The following ADAMTS6 variants were observed in gnomAD, a reference collection of about 807,000 sequenced individuals.
ADAMTS6 encodes A disintegrin and metalloproteinase with thrombospondin motifs 6.
In ADAMTS6, 23 loss-of-function variants were observed where a neutral mutation model predicts 144.3. That is an observed-to-expected ratio of 0.16 (90% CI 0.11 to 0.23). The LOEUF is 0.23. Among genes scored for constraint, ADAMTS6 ranks in the 10% least tolerant of loss-of-function variants. ADAMTS6 has a pLI of 1.00. For missense variants in ADAMTS6, 999 were observed against 1,379.6 expected (o/e 0.72, Z 4.37); for synonymous variants, 444 against 457.5 (o/e 0.97, Z 0.38).
At chr5:65,378,040 T>C (rs1318353255) in intron 7 of ADAMTS6, among the ~76,000 whole-genome samples, 1 of 152,130 alleles carries the variant, frequency 6.6e-6, no homozygotes, top group South Asian at 2.1e-4. Context: ...ATAAGGACAC[T>C]AGCCACATCA....
intron 24 of ADAMTS6, among the ~76,000 whole-genome samples, chr5:65,161,778 G>A (rs546745657): frequency 6.0e-4 from 92 of 152,274 alleles, no homozygotes; most frequent in Middle Eastern, 3.4e-3. Context: ...ATGCTATTGG[G>A]AAATTAAAGG....
At chr5:65,420,886 GA>G (rs1221515066) in intron 7 of ADAMTS6, among the ~76,000 whole-genome samples, 5 of 151,468 alleles carry the variant, frequency 3.3e-5, no homozygotes, top group East Asian at 1.9e-4. Context: ...ATTATAGGAA[GA>G]AAAAAATCAA....
At chr5:65,184,188 A>G (rs1754532476) in intron 22 of ADAMTS6, among the ~76,000 whole-genome samples, 1 of 152,218 alleles carries the variant, frequency 6.6e-6, no homozygotes, top group Non-Finnish European at 1.5e-5. Flanking sequence ...CTTCAGCTTA[A>G]TGTTCCATGA....
At chr5:65,397,876 T>TAA (rs34170790) in intron 7 of ADAMTS6, among the ~76,000 whole-genome samples, 31,631 of 121,288 alleles carry the variant, frequency 0.26, 4,878 homozygotes, top group South Asian at 0.39. Context: ...GACCCTGTCT[T>TAA]AAAAAAAAAA....
chr5:65,433,619 T>C (rs777554226), intron 7 of ADAMTS6, among the ~76,000 whole-genome samples: 3 of 152,174 alleles, frequency 2.0e-5, no homozygotes, highest in Non-Finnish European at 4.4e-5. Flanking sequence ...AAAAATGATA[T>C]ACAAATAGAC....
At chr5:65,316,313 A>G (rs902518907) in intron 9 of ADAMTS6, among the ~76,000 whole-genome samples, 1 of 152,226 alleles carries the variant, frequency 6.6e-6, no homozygotes, top group African/African-American at 2.4e-5. Context: ...AGCACCATCA[A>G]TTAACTTAAT....
At chr5:65,349,905 T>C (rs1249936909) in intron 7 of ADAMTS6, among the ~76,000 whole-genome samples, 5 of 151,900 alleles carry the variant, frequency 3.3e-5, no homozygotes, top group African/African-American at 9.7e-5. Context: ...TCTGATTTAA[T>C]GGAGCAGCAC....
At chr5:65,446,269 T>C (rs1758264715) in intron 7 of ADAMTS6, among the ~76,000 whole-genome samples, 1 of 152,130 alleles carries the variant, frequency 6.6e-6, no homozygotes, top group Non-Finnish European at 1.5e-5. Context: ...ATTTAAAAAA[T>C]AAGAAAACTT....
intron 15 of ADAMTS6, among the ~76,000 whole-genome samples, chr5:65,234,939 A>T (rs1316385971): frequency 6.6e-6 from 1 of 152,208 alleles, no homozygotes; most frequent in Admixed American, 6.6e-5. Context: ...CTTAAATAAG[A>T]AAGAAATAAA....
At chr5:65,445,247 G>C (rs1242571576) in intron 7 of ADAMTS6, among the ~76,000 whole-genome samples, 1 of 152,176 alleles carries the variant, frequency 6.6e-6, no homozygotes, top group African/African-American at 2.4e-5. Flanking sequence ...GGTAATGCCT[G>C]AGATAACCAT....
intron 7 of ADAMTS6, among the ~76,000 whole-genome samples, chr5:65,345,618 T>C (rs1232566677): frequency 6.6e-6 from 1 of 151,836 alleles, no homozygotes; most frequent in East Asian, 1.9e-4. Flanking sequence ...TTTTCTATAA[T>C]CAGGAAAGGT....
intron 7 of ADAMTS6, among the ~76,000 whole-genome samples, chr5:65,424,184 T>C (rs1756311702): frequency 6.6e-6 from 1 of 152,166 alleles, no homozygotes; most frequent in Non-Finnish European, 1.5e-5. Flanking sequence ...CCCCTCTTCC[T>C]CTAAGTGTAA....
At chr5:65,327,565 T>C (rs1233405437) in intron 9 of ADAMTS6, among the ~76,000 whole-genome samples, 2 of 152,138 alleles carry the variant, frequency 1.3e-5, no homozygotes, top group African/African-American at 2.4e-5. Context: ...ACAAAGTTAC[T>C]CCAAGATACA....
chr5:65,470,571 T>A (rs1347273577), intron 3 of ADAMTS6, among the ~76,000 whole-genome samples: 7 of 152,056 alleles, frequency 4.6e-5, no homozygotes, highest in African/African-American at 1.7e-4. Context: ...AATAGAGTTT[T>A]AAAAGCTGCC....
chr5:65,343,865 A>G (rs1748077836), intron 7 of ADAMTS6, among the ~76,000 whole-genome samples: 1 of 152,050 alleles, frequency 6.6e-6, no homozygotes, highest in Admixed American at 6.6e-5. Context: ...CAAAAGTACA[A>G]ACAATCCATT....
intron 10 of ADAMTS6, among the ~76,000 whole-genome samples, chr5:65,298,993 A>G (rs187128940): frequency 3.9e-4 from 59 of 152,216 alleles, no homozygotes; most frequent in African/African-American, 1.4e-3. Context: ...CTTTGAACAG[A>G]GCCAATTTTT....
chr5:65,174,080 C>T (rs1360820554), intron 22 of ADAMTS6, among the ~76,000 whole-genome samples: 1 of 151,624 alleles, frequency 6.6e-6, no homozygotes, highest in Non-Finnish European at 1.5e-5. Context: ...TTACCCACAA[C>T]ATCTGGAAGC....
chr5:65,464,759 A>G (rs1033858737), intron 3 of ADAMTS6, among the ~76,000 whole-genome samples: 20 of 152,130 alleles, frequency 1.3e-4, no homozygotes, highest in Non-Finnish European at 2.5e-4. Flanking sequence ...AGCATTATCA[A>G]TATTTGGAGC....
intron 20 of ADAMTS6, among the ~76,000 whole-genome samples, chr5:65,205,152 A>G (rs1234085688): frequency 2.0e-5 from 3 of 151,192 alleles, no homozygotes; most frequent in Non-Finnish European, 4.4e-5. Flanking sequence ...TTGTTTTCCT[A>G]TGCTCCATTT....
Sources: gnomAD v4.1 joint callset for allele counts (sites outside exome capture counted in the v4.1 genomes callset) on GRCh38, gnomAD v4.1.1 for gene constraint, MANE v1.5 for transcripts, NCBI Gene and HGNC (gene_info 2026-07-23, HGNC 2026-07-21) for gene names.